Variants in PDHB observed in about 807,000 individuals in gnomAD.
PDHB encodes pyruvate dehydrogenase E1 component subunit beta, mitochondrial.
PDHB carries 17 observed loss-of-function variants against 42.8 expected under a neutral mutation model. That is an observed-to-expected ratio of 0.40 (90% CI 0.27 to 0.60). The LOEUF is 0.60. PDHB is among the 20% of genes least tolerant of loss of function. The pLI is 0.46. For synonymous variants in PDHB, 154 were observed against 148.7 expected, an observed-to-expected ratio of 1.04 and a Z score of -0.26; for missense variants, 322 against 451.3, an observed-to-expected ratio of 0.71 and a Z score of 2.60.
chr3:58,431,867 T>C lies in PDHB; in HGVS notation c.204+10A>G. 6.2e-7 allele frequency: 1 copy of C among 1,608,766 alleles called. No individual in the cohort carries two copies. On this transcript the variant is annotated intron_variant, in intron 3 of 9. Transcript: ENST00000302746. This position sits in a 1 kb window ranked among gnomAD's most constrained non-coding sequence, Gnocchi z 4.4. ...CTCAATTTTGTATAACTTTCATATA[T>C]TTTAGTTACCTTGTATGCCCCATCA...
rs766412593 is a variant in PDHB, at chr3:58,430,191, G to GA, written c.636dup (p.Pro213SerfsTer46). The GA allele has an allele frequency of 3.1e-6, 5 of 1,612,938 alleles. No individual in the cohort carries two copies. Among genetic ancestry groups the GA allele is most frequent in the Non-Finnish European group, 8.5e-7 (1 of 1,179,408 alleles). ...AAATCTTTTGACTGAGCTTCCGGAG[G>GA]AAATTCAAAAGGAACCCCATACATC... On this transcript the variant is annotated frameshift_variant, in exon 7 of 10. Transcript: ENST00000302746. LOFTEE classifies it high-confidence loss of function.
chr3:58,433,607 C>G (rs749197773), intron 2 of PDHB, 24 bp downstream of exon 2: 9 of 1,603,238 alleles, frequency 5.6e-6, no homozygotes. Context: ...CCGCCCTCGT[C>G]CGACGAGCAC....
chr3:58,430,565 C>A, intron 6 of PDHB, 92 bp downstream of exon 6: 1 of 1,004,828 alleles, frequency 1.0e-6, no homozygotes, highest in Non-Finnish European at 1.6e-6. Context: ...TATATCTAAG[C>A]CTAACTAAAA....
chr3:58,430,999 A>G (rs1337573650), intron 5 of PDHB, 57 bp from the exon 6 acceptor site: 3 of 1,472,094 alleles, frequency 2.0e-6, no homozygotes, highest in Non-Finnish European at 2.9e-6. Flanking sequence ...AAACAGTAGC[A>G]AACAAATCAC....
Position 58,428,325 on chromosome 3 carries a change from C to G in PDHB, c.935-146G>C, listed in dbSNP as rs6445980. ...TTTCTGGATTTGCTTTTAAAAATAT[C>G]TGCCTGAAGAGAAATGCCAAACTTA... On this transcript the variant is annotated intron_variant, in intron 9 of 9. Coordinates refer to ENST00000302746, the MANE Select transcript of PDHB (RefSeq NM_000925.4). 0.087 allele frequency: 105,957 copies of G among 1,213,464 alleles called. 6,423 individuals carry two copies. The highest frequency in any genetic ancestry group is 0.28 in the African/African-American group (18,430 of 66,648). 75.2% of individuals were successfully genotyped at this position (1,213,464 alleles called of 1,614,324 possible).
rs1236653341 is a variant in PDHB at position 58,427,910 on chromosome 3, A to C, written c.*124T>G. On this transcript the variant is annotated 3_prime_UTR_variant, in exon 10 of 10. Coordinates refer to ENST00000302746, the MANE Select transcript of PDHB (RefSeq NM_000925.4). ...ACACATTTAAACTTCCCTGTACAAA[A>C]ATACCTGCTGTTGCTTTAGAAATCG... The C allele has an allele frequency of 1.3e-6, 1 of 768,900 alleles. No homozygotes were observed. The highest frequency in any genetic ancestry group is 1.7e-5 in the African/African-American group (1 of 58,332). 47.6% of individuals were successfully genotyped at this position (768,900 alleles called of 1,614,324 possible).
intron 6 of PDHB, 127 bp downstream of exon 6, chr3:58,430,530 T>C (rs1576956900): frequency 1.2e-6 from 1 of 821,352 alleles, no homozygotes; most frequent in Non-Finnish European, 2.0e-6. Flanking sequence ...ATCTTTACTA[T>C]ATAAAGTATT....
intron 7 of PDHB, 65 bp from the exon 8 acceptor site, chr3:58,429,864 G>T: frequency 1.1e-6 from 1 of 906,004 alleles, no homozygotes; most frequent in Non-Finnish European, 1.9e-6. Context: ...CCACTGTGCC[G>T]CCAGCTGTGG....
chr3:58,430,726 C>T lies in PDHB; in HGVS notation c.520G>A (p.Val174Met), dbSNP rs760966357. 1 of 1,614,056 alleles carries T rather than the reference C, an allele frequency of 6.2e-7. No individual in the cohort carries two copies. Among genetic ancestry groups the T allele is most frequent in the Admixed American group, 1.7e-5 (1 of 60,028 alleles). ...AWYGHCPGLK[V>M]VSPWNSEDAK... ...TCCTCTGAATTCCAGGGACTGACCA[C>T]CTTTAAGCCTGGGCAGTGCCCATAC... The change falls in exon 6 of 10, where the codon GTG (valine) becomes ATG (methionine). Residue 174 changes from valine to methionine, a missense_variant. Physicochemically the swap from Val to Met is conservative, Grantham distance 21 (BLOSUM62 1). This residue lies in a region of PDHB where 208 missense variants were observed against 285.0 expected (regional missense o/e 0.73). Coordinates refer to ENST00000302746, the MANE Select transcript of PDHB (RefSeq NM_000925.4).
In PDHB at chr3:58,427,849, T is replaced by A. The variant is rs1314457298; in HGVS notation, c.*185A>T. The A allele has an allele frequency of 1.5e-6, 1 of 663,302 alleles. No individual in the cohort carries two copies. Among genetic ancestry groups the A allele is most frequent in the Non-Finnish European group, 2.8e-6 (1 of 362,442 alleles). 41.1% of individuals were successfully genotyped at this position (663,302 alleles called of 1,614,324 possible). A position where few individuals can be genotyped will look rare whatever the true frequency, so the allele number is the denominator to read the frequency against. ...GTAACAGACAAAAGGAAGCATGGCA[T>A]CTAGGGGAGGAGAGTGGAGAGTTTT... On this transcript the variant is annotated 3_prime_UTR_variant, in exon 10 of 10. Coordinates refer to ENST00000302746, the MANE Select transcript of PDHB (RefSeq NM_000925.4).
At position 58,428,104 on chromosome 3, in the gene PDHB, A is replaced by T. The variant is rs760143249; in HGVS notation, c.1010T>A (p.Ile337Asn). 3.2e-5 allele frequency: 51 copies of T among 1,611,702 alleles called. No individual in the cohort carries two copies. The highest frequency in any genetic ancestry group is 4.3e-5 in the Non-Finnish European group (51 of 1,177,842). The change falls in exon 10 of 10, where the codon ATT (isoleucine) becomes AAT (asparagine). Residue 337 changes from isoleucine (I) to asparagine (N), a missense_variant. By Grantham distance (149) the Ile-to-Asn change is moderately radical. Coordinates refer to ENST00000302746, the MANE Select transcript of PDHB (RefSeq NM_000925.4). ...CTGAGGTATAGAGTTGTCCTCTAGA[A>T]TCTTTGCATAAGGCATAGGGACATC... ...GADVPMPYAK[I>N]LEDNSIPQVK... is the part of the protein sequence containing the mutation.
chr3:58,429,753 G>A lies in PDHB; in HGVS notation c.747C>T (p.Cys249=), dbSNP rs766540951. ...VVSHSRPVGH[C]LEAAAVLSKE... is the part of the protein sequence containing the mutation. ...TAGATAGCACTGCTGCAGCTTCTAA[G>A]CAGTGGCCCACAGGTCTTGAATGGG... Residue 249 remains cysteine (C), a synonymous_variant, in exon 8 of 10, where the codon TGC becomes TGT. Transcript: ENST00000302746. 12 of 1,612,506 alleles carry A rather than the reference G, an allele frequency of 7.4e-6. No individual in the cohort carries two copies. The South Asian group carries it at 1.3e-4, about 18-fold the overall frequency.
chr3:58,428,839 T>C (rs1233791083), intron 8 of PDHB: 10 of 555,078 alleles, frequency 1.8e-5, no homozygotes, highest in Non-Finnish European at 3.2e-5. Flanking sequence ...GTTATAGGAT[T>C]CATTTATCTT....
At position 58,433,418 on chromosome 3, in the gene PDHB, C is replaced by A. The variant is rs2062940965; in HGVS notation, c.96+213G>T. ...AGGAAACGCCTAGTCTTAGTTTTCC[C>A]CCATTGCCCAGCCAGCTGTGAGGTG... is the stretch of plus-strand genomic sequence containing the variant. On this transcript the variant is annotated intron_variant, in intron 2 of 9. Transcript: ENST00000302746. 4.9e-6 allele frequency: 3 copies of A among 606,082 alleles called. No homozygotes were observed. In the East Asian group the frequency reaches 8.3e-5, roughly 17 times the overall value. 37.5% of individuals were successfully genotyped at this position (606,082 alleles called of 1,614,324 possible). A position where few individuals can be genotyped will look rare whatever the true frequency, so the allele number is the denominator to read the frequency against.
chr3:58,430,265 AG>A, intron 6 of PDHB, 27 bp from the exon 7 acceptor site: 2 of 1,411,938 alleles, frequency 1.4e-6, no homozygotes, highest in Non-Finnish European at 2.0e-6. Context: ...TTTAAACAAA[AG>A]TAATTAATCA....
In PDHB at chr3:58,429,794, G is replaced by T. The variant is rs1348982334; in HGVS notation, c.706C>A (p.His236Asn). Residue 236 changes from histidine to asparagine, a missense_variant, in exon 8 of 10, where the codon CAT (histidine) becomes AAT (asparagine). His to Asn is a moderately conservative substitution (Grantham distance 68, BLOSUM62 1). Transcript: ENST00000302746. ...CTTGAATGGGAAACCACAGTTATATGTGTTCCTGAAAACAGAGTGGTCACA... is the reference window on the plus strand; with the variant it reads ...CTTGAATGGGAAACCACAGTTATATTTGTTCCTGAAAACAGAGTGGTCACA... Reference protein sequence around the residue: ...GKAKIERQGTHITVVSHSRPV... With the variant: ...GKAKIERQGTNITVVSHSRPV... 2 of 1,598,412 alleles carry T rather than the reference G, an allele frequency of 1.3e-6. No homozygotes were observed. Among genetic ancestry groups the T allele is most frequent in the Admixed American group, 3.3e-5 (2 of 60,016 alleles).
chr3:58,429,680 C>A (rs2062903417), intron 8 of PDHB, 28 bp downstream of exon 8: 2 of 1,374,076 alleles, frequency 1.5e-6, no homozygotes, highest in Non-Finnish European at 2.1e-6. Context: ...CCTTCTAATT[C>A]TTTAAGAACA....
Position 58,431,419 on chromosome 3 carries a change from C to T in PDHB, c.303+174G>A, listed in dbSNP as rs2062919165. 1.9e-5 allele frequency: 12 copies of T among 637,968 alleles called. No homozygotes were observed. Among genetic ancestry groups the T allele is most frequent in the South Asian group, 1.1e-4 (6 of 54,344 alleles). The allele number at this position is 637,968 out of a possible 1,614,324, so 39.5% of individuals were successfully genotyped here. A position where few individuals can be genotyped will look rare whatever the true frequency, so the allele number is the denominator to read the frequency against. Reference sequence around the variant, plus strand: ...CAAAAATTGGCTAGGCACAGTGGCGCGACCTGTAACCCCAGCCACTATGGA... The same window carrying T: ...CAAAAATTGGCTAGGCACAGTGGCGTGACCTGTAACCCCAGCCACTATGGA... On this transcript the variant is annotated intron_variant, in intron 5 of 9. Transcript: ENST00000302746. This position sits in a 1 kb window ranked among gnomAD's most constrained non-coding sequence, Gnocchi z 4.4.
At chr3:58,433,426 C>A (rs2062941000) in intron 2 of PDHB, 1 of 612,992 alleles carries the variant, frequency 1.6e-6, no homozygotes, top group Non-Finnish European at 2.9e-6. Flanking sequence ...CCCCCATTGC[C>A]CAGCCAGCTG....
Sources: gnomAD v4.1 joint callset for allele counts on GRCh38, gnomAD v4.1.1 for gene constraint, gnomAD v4.1.1 regional missense constraint, Gnocchi (gnomAD v3.1) non-coding constraint, MANE v1.5 for transcripts, NCBI Gene and HGNC (gene_info 2026-07-23, HGNC 2026-07-21) for gene names.